The following SLC7A8 variants were observed in gnomAD, a reference collection of about 807,000 sequenced individuals.
SLC7A8 encodes solute carrier family 7 member 8, also known as large neutral amino acids transporter small subunit 2.
In SLC7A8, 30 loss-of-function variants were observed where a neutral mutation model predicts 51.2. The ratio of observed to expected loss-of-function variants is 0.59; its 90% confidence interval spans 0.44 to 0.80. The LOEUF (loss-of-function observed/expected upper bound fraction) is 0.80, where lower values mean the gene tolerates loss of function less well. SLC7A8 is among the 30% of genes least tolerant of loss of function. The pLI is 0.00. For missense variants in SLC7A8, 612 were observed against 674.4 expected (o/e 0.91, Z 1.03); for synonymous variants, 257 against 275.8 (o/e 0.93, Z 0.67).
chr14:23,161,885 C>T (rs896239071), intron 3 of SLC7A8, among the ~76,000 whole-genome samples: 6 of 140,336 alleles, frequency 4.3e-5, no homozygotes, highest in African/African-American at 1.6e-4. Flanking sequence ...CAAGATGGCG[C>T]CACTACACTC....
chr14:23,179,811 G>GAAA (rs1341003384), intron 1 of SLC7A8, among the ~76,000 whole-genome samples: 1 of 149,502 alleles, frequency 6.7e-6, no homozygotes, highest in Non-Finnish European at 1.5e-5. Context: ...CACTGTCTCA[G>GAAA]AAAAAAAAGA....
rs1377133455 is a variant in SLC7A8, at chr14:23,166,542, T to C, written c.152-2A>G. 1 of 1,613,782 alleles carries C rather than the reference T, an allele frequency of 6.2e-7. No individual in the cohort carries two copies. Among genetic ancestry groups the C allele is most frequent in the Non-Finnish European group, 8.5e-7 (1 of 1,179,886 alleles). On this transcript the variant is annotated splice_acceptor_variant, in intron 1 of 10. Transcript: ENST00000316902. LOFTEE classifies it high-confidence loss of function. Reference sequence around the variant, plus strand: ...AGATTCCAGAGCCGATGATGTTCCCTGCATGAGGCACCAAGGGTAAGGAGG... The same window carrying C: ...AGATTCCAGAGCCGATGATGTTCCCCGCATGAGGCACCAAGGGTAAGGAGG...
At chr14:23,171,238 T>C (rs1167293177) in intron 1 of SLC7A8, among the ~76,000 whole-genome samples, 2 of 152,206 alleles carry the variant, frequency 1.3e-5, no homozygotes, top group African/African-American at 4.8e-5. Flanking sequence ...CAGATCTTCT[T>C]TAGTGAAGAA....
intron 3 of SLC7A8, chr14:23,154,537 A>T: frequency 1.0e-6 from 1 of 958,198 alleles, no homozygotes; most frequent in Non-Finnish European, 1.2e-6. Flanking sequence ...TAATTGTGGA[A>T]AAGCCGCTTC....
intron 3 of SLC7A8, among the ~76,000 whole-genome samples, chr14:23,147,613 G>C (rs573159859): frequency 1.3e-5 from 2 of 152,294 alleles, no homozygotes; most frequent in East Asian, 3.9e-4. Flanking sequence ...TGCTTCTTTA[G>C]AGGCCCTCAT....
chr14:23,161,925 T>TCAAAAAAAAA lies in SLC7A8; in HGVS notation c.508+3359_508+3360insTTTTTTTTTG, dbSNP rs57814296. On this transcript the variant is annotated intron_variant, in intron 3 of 10. Transcript: ENST00000316902. Reference sequence around the variant, plus strand: ...CTGGGTGACAGAGTGAGACTCCATCTAAAAAAAAAAAAAAAAAAAGCATCT... The same window carrying TCAAAAAAAAA: ...CTGGGTGACAGAGTGAGACTCCATCTCAAAAAAAAAAAAAAAAAAAAAAAAAAAAGCATCT... Among the ~76,000 whole-genome samples the TCAAAAAAAAA allele has an allele frequency of 1.0e-4, 11 of 107,176 alleles. 5 individuals are homozygous for TCAAAAAAAAA. The highest frequency in any genetic ancestry group is 1.1e-4 in the Non-Finnish European group (6 of 54,506). 70.3% of individuals were successfully genotyped at this position (107,176 alleles called of 152,430 possible).
Position 23,183,600 on chromosome 14 carries a change from C to G in SLC7A8, c.-686G>C, listed in dbSNP as rs1265712976. On this transcript the variant is annotated 5_prime_UTR_variant, in exon 1 of 11. Coordinates refer to ENST00000316902, the MANE Select transcript of SLC7A8 (RefSeq NM_012244.4). ...CCCTTGTTTTCCTCTTTTCGATCCC[C>G]GTTCTACTGCACAGCCGGCCCCATC... The G allele has an allele frequency of 6.6e-6, 1 of 152,316 alleles. No individual in the cohort carries two copies. Among genetic ancestry groups the G allele is most frequent in the African/African-American group, 2.4e-5 (1 of 41,406 alleles). The allele number at this position is 152,316 out of a possible 1,614,324, so 9.4% of individuals were successfully genotyped here.
intron 3 of SLC7A8, among the ~76,000 whole-genome samples, chr14:23,160,736 A>G (rs987957054): frequency 6.6e-6 from 1 of 152,132 alleles, no homozygotes; most frequent in Admixed American, 6.5e-5. Flanking sequence ...TGCTGGCTCT[A>G]TATCTTACTT....
chr14:23,139,288 G>A, intron 6 of SLC7A8, 136 bp downstream of exon 6: 4 of 1,357,986 alleles, frequency 2.9e-6, no homozygotes, highest in Non-Finnish European at 4.1e-6. Flanking sequence ...AATGACATAT[G>A]TGGTTTCTGC....
intron 6 of SLC7A8, chr14:23,138,254 A>G (rs1024857238): frequency 7.7e-6 from 4 of 518,776 alleles, no homozygotes; most frequent in Non-Finnish European, 6.9e-6. Context: ...TAATAATAAT[A>G]ATGAACTAAC....
chr14:23,155,418 T>C lies in SLC7A8; in HGVS notation c.508+9867A>G, dbSNP rs1397844127. 6.2e-6 allele frequency: 9 copies of C among 1,443,420 alleles called. No individual in the cohort carries two copies. The East Asian group carries it at 2.0e-4, about 32-fold the overall frequency. 89.4% of individuals were successfully genotyped at this position (1,443,420 alleles called of 1,614,324 possible). ...CCTTCCTTCTTATCCTGTTAGCTCC[T>C]GCGCCAGCTGCTGGAGCTGGGGTTT... On this transcript the variant is annotated intron_variant, in intron 3 of 10. Transcript: ENST00000316902.
At chr14:23,139,139 T>C (rs1374296314) in intron 6 of SLC7A8, among the ~76,000 whole-genome samples, 1 of 152,140 alleles carries the variant, frequency 6.6e-6, no homozygotes, top group East Asian at 1.9e-4. Flanking sequence ...ACTTTTTCTG[T>C]AAAGGGCCAG....
At chr14:23,156,157 C>A (rs1351923903) in intron 3 of SLC7A8, among the ~76,000 whole-genome samples, 1 of 152,082 alleles carries the variant, frequency 6.6e-6, no homozygotes, top group Non-Finnish European at 1.5e-5. Flanking sequence ...TGTCACCACG[C>A]CCGGCTAATT....
chr14:23,147,255 A>G (rs751986807), intron 3 of SLC7A8, among the ~76,000 whole-genome samples: 8 of 151,786 alleles, frequency 5.3e-5, no homozygotes, highest in Non-Finnish European at 1.2e-4. Context: ...CCACCCATCT[A>G]CTCATCCGTC....
intron 1 of SLC7A8, among the ~76,000 whole-genome samples, chr14:23,168,085 A>G (rs2048958857): frequency 6.6e-6 from 1 of 152,202 alleles, no homozygotes; most frequent in Non-Finnish European, 1.5e-5. Context: ...CAGAAATGAA[A>G]CTAAGAGAAA....
intron 3 of SLC7A8, among the ~76,000 whole-genome samples, chr14:23,150,786 C>G (rs911866264): frequency 1.3e-5 from 2 of 152,096 alleles, no homozygotes; most frequent in African/African-American, 4.8e-5. Context: ...ATTTTAGAGA[C>G]CATATCATGC....
chr14:23,173,722 A>ACCTCTGCCT (rs1409238890), intron 1 of SLC7A8, among the ~76,000 whole-genome samples: 2 of 151,954 alleles, frequency 1.3e-5, no homozygotes, highest in Non-Finnish European at 2.9e-5. Flanking sequence ...GCTCACTGCA[A>ACCTCTGCCT]CCTCTGCCTC....
In SLC7A8 at chr14:23,137,810, A is replaced by T. The variant is rs1036144695; in HGVS notation, c.1016+111T>A. On this transcript the variant is annotated intron_variant, in intron 7 of 10. Coordinates refer to ENST00000316902, the MANE Select transcript of SLC7A8 (RefSeq NM_012244.4). ...GCAGTCACCCCTCTGCAAGCCCAAC[A>T]TCCAGATGCCCACACAGACCCCTGC... 1.2e-5 allele frequency: 16 copies of T among 1,377,484 alleles called. No individual in the cohort carries two copies. The Admixed American group carries it at 1.7e-4, about 14-fold the overall frequency. The allele number at this position is 1,377,484 out of a possible 1,614,324, so 85.3% of individuals were successfully genotyped here. A position where few individuals can be genotyped will look rare whatever the true frequency, so the allele number is the denominator to read the frequency against.
intron 9 of SLC7A8, chr14:23,129,152 G>A (rs910702666): frequency 6.0e-5 from 10 of 165,794 alleles, no homozygotes; most frequent in Non-Finnish European, 1.3e-4. Context: ...AGGACTGTGG[G>A]AGTTTATAAA....
Sources: gnomAD v4.1 joint callset for allele counts (sites outside exome capture counted in the v4.1 genomes callset) on GRCh38, gnomAD v4.1.1 for gene constraint, MANE v1.5 for transcripts, NCBI Gene and HGNC (gene_info 2026-07-23, HGNC 2026-07-21) for gene names.